The following LPCAT4 variants were observed in gnomAD, a reference collection of about 807,000 sequenced individuals.
LPCAT4 encodes lysophosphatidylcholine acyltransferase 4.
A neutral mutation model predicts 66.5 loss-of-function variants in LPCAT4; 30 were observed. The ratio of observed to expected loss-of-function variants is 0.45; its 90% CI spans 0.34 to 0.61. The LOEUF (loss-of-function observed/expected upper bound fraction) is 0.61, where lower values mean the gene tolerates loss of function less well. Ranked by LOEUF, LPCAT4 falls within the 20% of genes least tolerant of loss-of-function variation. The probability of loss-of-function intolerance (pLI) is 0.01; values close to 1 mark genes in which losing one functional copy is unlikely to be tolerated. For synonymous variants in LPCAT4, 253 were observed against 262.1 expected, an observed-to-expected ratio of 0.97 and a Z score of 0.34; for missense variants, 557 against 656.7, an observed-to-expected ratio of 0.85 and a Z score of 1.66.
Position 34,365,651 on chromosome 15 carries a change from A to T in LPCAT4, c.165T>A (p.Phe55Leu). 1.2e-6 allele frequency: 2 copies of T among 1,614,184 alleles called. No individual in the cohort carries two copies. Among genetic ancestry groups the T allele is most frequent in the Non-Finnish European group, 1.7e-6 (2 of 1,180,020 alleles). Residue 55 changes from phenylalanine to leucine, a missense_variant, in exon 2 of 14, where the codon TTT becomes TTA. By Grantham distance (22) the Phe-to-Leu change is conservative. This residue lies in a region of LPCAT4 where 94 missense variants were observed against 71.5 expected (regional missense o/e 1.32). Transcript: ENST00000314891. The part of the protein sequence containing the change: ...LLAPIRVLLA[F>L]IVLFLLWPFA... ...AGGGCCAGAGGAGAAAGAGGACGAT[A>T]AAGGCCAGAAGCACTCGGATGGGGG...
At chr15:34,365,931 T>G in intron 1 of LPCAT4, 1 of 529,724 alleles carries the variant, frequency 1.9e-6, no homozygotes, top group Non-Finnish European at 3.4e-6. Flanking sequence ...TGTCTTTCAG[T>G]TGGTCCCTAC....
In LPCAT4 at chr15:34,367,121, A is replaced by T. The variant is rs934146287; in HGVS notation, c.-21T>A. 3.3e-6 allele frequency: 5 copies of T among 1,523,176 alleles called. No homozygotes were observed. Among genetic ancestry groups the T allele is most frequent in the African/African-American group, 1.4e-5 (1 of 71,934 alleles). The allele number at this position is 1,523,176 out of a possible 1,614,324, so 94.4% of individuals were successfully genotyped here. ...CTCATGGCGGGAGAAGGTGGGAGGG[A>T]GGGCACCCCGGCCCTGGCCCCGGCC... is the stretch of plus-strand genomic sequence containing the variant. On this transcript the variant is annotated 5_prime_UTR_variant, in exon 1 of 14. Coordinates refer to ENST00000314891, the MANE Select transcript of LPCAT4 (RefSeq NM_153613.3).
rs1188628612 is a variant in LPCAT4, at chr15:34,358,956, T to C, written c.*171A>G. 1 of 368,332 alleles carries C rather than the reference T, an allele frequency of 2.7e-6. No individual in the cohort carries two copies. The highest frequency in any genetic ancestry group is 4.2e-5 in the Admixed American group (1 of 23,872). The allele number at this position is 368,332 out of a possible 1,614,324, so 22.8% of individuals were successfully genotyped here. A position where few individuals can be genotyped will look rare whatever the true frequency, so the allele number is the denominator to read the frequency against. On this transcript the variant is annotated 3_prime_UTR_variant, in exon 14 of 14. Coordinates refer to ENST00000314891, the MANE Select transcript of LPCAT4 (RefSeq NM_153613.3). ...ATATAGATATAGATTTATATTTATA[T>C]ATAAAATAGTTTTTTACAAAAAAAT...
At position 34,364,407 on chromosome 15, in the gene LPCAT4, A is replaced by ATC. The variant is rs1047801887; in HGVS notation, c.479-103_479-102dup. The ATC allele has an allele frequency of 1.6e-5, 10 of 636,180 alleles. No individual in the cohort carries two copies. In the African/African-American group the frequency reaches 1.9e-4, roughly 12 times the overall value. The allele number at this position is 636,180 out of a possible 1,614,324, so 39.4% of individuals were successfully genotyped here. ...CTCAACAGCATGAGAAGTTTCTGTT[A>ATC]TCTCTTTTTTTTTTTTTTCTGTTGT... is the stretch of plus-strand genomic sequence containing the variant. On this transcript the variant is annotated intron_variant, in intron 3 of 13. Coordinates refer to ENST00000314891, the MANE Select transcript of LPCAT4 (RefSeq NM_153613.3).
At position 34,364,229 on chromosome 15, in the gene LPCAT4, G is replaced by A. The variant is rs1430239159; in HGVS notation, c.556C>T (p.Arg186Ter). Residue 186 changes from arginine to a stop codon, truncating the protein, a stop_gained, in exon 4 of 14, where the codon CGA becomes TGA. Coordinates refer to ENST00000314891, the MANE Select transcript of LPCAT4 (RefSeq NM_153613.3). LOFTEE classifies it high-confidence loss of function. The stretch of plus-strand genomic sequence containing the variant: ...TTGCCTCCTGAGGTGGCCCGCCTTC[G>A]GACCTCCTCCACCACTCTGCGTCGA... ...ASRRRVVEEV[R>*]RRATSGGKWP... is the part of the protein sequence containing the mutation. 6.2e-6 allele frequency: 10 copies of A among 1,613,840 alleles called. No homozygotes were observed. Among genetic ancestry groups the A allele is most frequent in the Non-Finnish European group, 8.5e-6 (10 of 1,179,856 alleles).
Position 34,361,385 on chromosome 15 carries a change from T to A in LPCAT4, c.1143+15A>T. On this transcript the variant is annotated intron_variant, in intron 11 of 13. Coordinates refer to ENST00000314891, the MANE Select transcript of LPCAT4 (RefSeq NM_153613.3). The stretch of plus-strand genomic sequence containing the variant: ...AGCCTGGGTTCTGCTCTGCTCTTTG[T>A]TCCAGCTCCTTTACCTGCTGGAAGT... The A allele has an allele frequency of 6.2e-7, 1 of 1,614,144 alleles. No individual in the cohort carries two copies. Among genetic ancestry groups the A allele is most frequent in the South Asian group, 1.1e-5 (1 of 91,082 alleles).
At chr15:34,364,864 G>A in intron 3 of LPCAT4, 144 bp downstream of exon 3, 2 of 670,954 alleles carry the variant, frequency 3.0e-6, no homozygotes, top group Non-Finnish European at 2.6e-6. Flanking sequence ...TCTAAGACTG[G>A]TTGACTAATG....
intron 1 of LPCAT4, chr15:34,365,956 C>T: frequency 4.6e-6 from 2 of 436,780 alleles, no homozygotes; most frequent in Non-Finnish European, 8.3e-6. Context: ...TTTATAAAAC[C>T]GAAAGCCATA....
chr15:34,363,305 C>A lies in LPCAT4; in HGVS notation c.746+117G>T. The A allele has an allele frequency of 8.9e-7, 1 of 1,117,926 alleles. No homozygotes were observed. 69.3% of individuals were successfully genotyped at this position (1,117,926 alleles called of 1,614,324 possible). On this transcript the variant is annotated intron_variant, in intron 7 of 13. Coordinates refer to ENST00000314891, the MANE Select transcript of LPCAT4 (RefSeq NM_153613.3). This position sits in a 1 kb window ranked among gnomAD's most constrained non-coding sequence, Gnocchi z 4.3. Reference sequence around the variant, plus strand: ...GGAAAGTGGTGTCTCCTCTAGAGTTCTCTCAGTCCTCAGATGAAGAAGGGC... The same window carrying A: ...GGAAAGTGGTGTCTCCTCTAGAGTTATCTCAGTCCTCAGATGAAGAAGGGC...
chr15:34,367,142 C>T lies in LPCAT4; in HGVS notation c.-42G>A. The T allele has an allele frequency of 1.3e-6, 2 of 1,488,240 alleles. No individual in the cohort carries two copies. Among genetic ancestry groups the T allele is most frequent in the Non-Finnish European group, 1.8e-6 (2 of 1,116,206 alleles). The allele number at this position is 1,488,240 out of a possible 1,614,324, so 92.2% of individuals were successfully genotyped here. A position where few individuals can be genotyped will look rare whatever the true frequency, so the allele number is the denominator to read the frequency against. Reference sequence around the variant, plus strand: ...AGGGAGGGCACCCCGGCCCTGGCCCCGGCCACCACTCTGCAGAGCAGCTGC... The same window carrying T: ...AGGGAGGGCACCCCGGCCCTGGCCCTGGCCACCACTCTGCAGAGCAGCTGC... On this transcript the variant is annotated 5_prime_UTR_variant, in exon 1 of 14. Transcript: ENST00000314891.
Position 34,359,701 on chromosome 15 carries a change from G to A in LPCAT4, c.1287C>T (p.Tyr429=), listed in dbSNP as rs1890896123. The change falls in exon 13 of 14, where the codon TAC becomes TAT. Residue 429 remains tyrosine (Y), a synonymous_variant. Coordinates refer to ENST00000314891, the MANE Select transcript of LPCAT4 (RefSeq NM_153613.3). ...EQAEGPNRLL[Y]KDGFSTILHL... ...GCAGGATGGTGCTGAAGCCGTCTTTGTACAGCAGGCGGTTGGGACCCTCTG... is the reference window on the plus strand; with the variant it reads ...GCAGGATGGTGCTGAAGCCGTCTTTATACAGCAGGCGGTTGGGACCCTCTG... 3.7e-6 allele frequency: 6 copies of A among 1,613,658 alleles called. No individual in the cohort carries two copies. In the Admixed American group the frequency reaches 8.3e-5, roughly 22 times the overall value.
rs1595622572 is a variant in LPCAT4 at position 34,365,316 on chromosome 15, C to T, written c.258-88G>A. On this transcript the variant is annotated intron_variant, in intron 2 of 13. Transcript: ENST00000314891. ...TCAGACACCGGGAAAGTAGGGCACC[C>T]CTCTTTTACCCTTAAATAGGATGTG... 8.9e-6 allele frequency: 12 copies of T among 1,355,182 alleles called. No individual in the cohort carries two copies. The East Asian group carries it at 2.7e-4, about 31-fold the overall frequency. 83.9% of individuals were successfully genotyped at this position (1,355,182 alleles called of 1,614,324 possible).
Position 34,363,824 on chromosome 15 carries a change from T to C in LPCAT4, c.653-105A>G, listed in dbSNP as rs1891005808. On this transcript the variant is annotated intron_variant, in intron 5 of 13. Coordinates refer to ENST00000314891, the MANE Select transcript of LPCAT4 (RefSeq NM_153613.3). This position sits in a 1 kb window ranked among gnomAD's most constrained non-coding sequence, Gnocchi z 4.3. ...TCTGGGACAGTTCTCAAATGAGATA[T>C]GGTTTTGTTCCACTCATTGATAATT... 7.0e-7 allele frequency: 1 copy of C among 1,427,902 alleles called. No individual in the cohort carries two copies. The highest frequency in any genetic ancestry group is 9.9e-7 in the Non-Finnish European group (1 of 1,014,166). The allele number at this position is 1,427,902 out of a possible 1,614,324, so 88.5% of individuals were successfully genotyped here. A position where few individuals can be genotyped will look rare whatever the true frequency, so the allele number is the denominator to read the frequency against.
rs775927004 is a variant in LPCAT4 at position 34,365,090 on chromosome 15, G to A, written c.396C>T (p.Phe132=). ...PVLVAAPHST[F]FDPIVLLPCD... is the part of the protein sequence containing the mutation. ...AGGGCAGCAGAACAATGGGGTCAAAGAAAGTGGAGTGTGGGGCAGCAACAA... is the reference window on the plus strand; with the variant it reads ...AGGGCAGCAGAACAATGGGGTCAAAAAAAGTGGAGTGTGGGGCAGCAACAA... Residue 132 remains phenylalanine (F), a synonymous_variant, in exon 3 of 14, where the codon TTC becomes TTT. Transcript: ENST00000314891. 5.0e-6 allele frequency: 8 copies of A among 1,614,152 alleles called. No homozygotes were observed. The African/African-American group carries it at 1.1e-4, about 22-fold the overall frequency.
intron 3 of LPCAT4, chr15:34,364,590 ATTTTT>A: frequency 6.5e-6 from 1 of 153,590 alleles, no homozygotes; most frequent in South Asian, 1.5e-4. Context: ...CGCCCGGCTA[ATTTTT>A]TTTTTTTTTT....
In LPCAT4 at chr15:34,363,968, AACTTCTTTTTCCTACAGCCCACC is replaced by A. The variant is rs1199003774; in HGVS notation, c.652+22_652+44del. ...TTTCAGAGTCCCTCCCCAAATCTGGAACTTCTTTTTCCTACAGCCCACCACCCACTATCATTTTATTCACCTGG... is the reference window on the plus strand; with the variant it reads ...TTTCAGAGTCCCTCCCCAAATCTGGAACCCACTATCATTTTATTCACCTGG... On this transcript the variant is annotated intron_variant, in intron 5 of 13. Transcript: ENST00000314891. This position sits in a 1 kb window ranked among gnomAD's most constrained non-coding sequence, Gnocchi z 4.3. 6.3e-7 allele frequency: 1 copy of A among 1,580,118 alleles called. No individual in the cohort carries two copies.
In LPCAT4 at chr15:34,359,228, T is replaced by C. The variant is rs750959350; in HGVS notation, c.1474A>G (p.Thr492Ala). 1.9e-6 allele frequency: 3 copies of C among 1,583,154 alleles called. No individual in the cohort carries two copies. In the South Asian group the frequency reaches 3.5e-5, roughly 18 times the overall value. The change falls in exon 14 of 14, where the codon ACC (threonine) becomes GCC (alanine). Residue 492 changes from threonine to alanine, a missense_variant. Around this residue, in one of 4 missense-constraint regions of LPCAT4, gnomAD observed 392 missense variants for 473.9 expected, o/e 0.83. Coordinates refer to ENST00000314891, the MANE Select transcript of LPCAT4 (RefSeq NM_153613.3). ...LFSTYLRPPH[T>A]SRGTSQTPNA... ...GGTGTCTGGGAGGTGCCTCGAGAGG[T>C]GTGTGGGGGGCGCAGGTAGGTGCTG... is the stretch of plus-strand genomic sequence containing the variant.
rs141462990 is a variant in LPCAT4, at chr15:34,362,300, G to A, written c.906C>T (p.Thr302=). 1.3e-4 allele frequency: 209 copies of A among 1,613,948 alleles called. No homozygotes were observed. Among genetic ancestry groups the A allele is most frequent in the Middle Eastern group, 4.9e-4 (3 of 6,084 alleles). Residue 302 remains threonine (T), a synonymous_variant, in exon 10 of 14, where the codon ACC becomes ACT. Transcript: ENST00000314891. ...GTAAGCTCCCTACAAACTCACATTCGGTGGCTGGAATGCCCAGAGCCCTAC... is the reference window on the plus strand; with the variant it reads ...GTAAGCTCCCTACAAACTCACATTCAGTGGCTGGAATGCCCAGAGCCCTAC... The part of the protein sequence containing the change: ...VMAQALGIPA[T]ECEFVGSLPV...
intron 10 of LPCAT4, among the ~76,000 whole-genome samples, chr15:34,361,745 G>A (rs543979058): frequency 2.9e-4 from 44 of 152,040 alleles, no homozygotes; most frequent in South Asian, 1.9e-3. Flanking sequence ...TGTCACCCAG[G>A]CTGGAGTGCA....
Sources: allele counts gnomAD v4.1 joint callset (sites outside exome capture counted in the v4.1 genomes callset), GRCh38; gene constraint gnomAD v4.1.1; regional missense constraint gnomAD v4.1.1; non-coding constraint Gnocchi (gnomAD v3.1); transcripts MANE v1.5; gene names NCBI Gene and HGNC (gene_info 2026-07-23, HGNC 2026-07-21).